Variants in MYO5B observed in about 807,000 individuals in gnomAD.
MYO5B encodes myosin VB.
MYO5B carries 143 observed loss-of-function variants against 229.3 expected under a neutral mutation model. That is an observed-to-expected ratio of 0.62 (90% CI 0.54 to 0.72). MYO5B has a LOEUF of 0.72. Ranked by LOEUF, MYO5B falls within the 30% of genes least tolerant of loss-of-function variation. The pLI, the probability that MYO5B is intolerant of heterozygous loss-of-function variation, is 0.00. For synonymous variants in MYO5B, 918 were observed against 885.2 expected (o/e 1.04, Z -0.66); for missense variants, 2,321 against 2,331.0 (o/e 1.00, Z 0.09).
At chr18:49,893,625 C>T (rs2024742347) in intron 22 of MYO5B, among the ~76,000 whole-genome samples, 1 of 152,202 alleles carries the variant, frequency 6.6e-6, no homozygotes, top group African/African-American at 2.4e-5. Context: ...AGGAGTGTGG[C>T]CTTTTATGGG....
chr18:49,947,024 A>G (rs2025381285), intron 14 of MYO5B, among the ~76,000 whole-genome samples: 1 of 151,826 alleles, frequency 6.6e-6, no homozygotes, highest in African/African-American at 2.4e-5. Flanking sequence ...AGATTGGGCT[A>G]CGTAAGGATA....
intron 1 of MYO5B, among the ~76,000 whole-genome samples, chr18:50,117,830 T>C (rs1408384688): frequency 3.3e-5 from 5 of 152,048 alleles, no homozygotes; most frequent in Non-Finnish European, 7.4e-5. Flanking sequence ...GTCTCTGGCT[T>C]ATATAATACC....
intron 2 of MYO5B, among the ~76,000 whole-genome samples, chr18:50,051,228 T>C (rs1259896090): frequency 6.6e-6 from 1 of 152,206 alleles, no homozygotes; most frequent in African/African-American, 2.4e-5. Context: ...TAGGGTTACA[T>C]TCTCTTGCCC....
At chr18:49,969,491 A>G (rs1371008026) in intron 10 of MYO5B, among the ~76,000 whole-genome samples, 1 of 152,236 alleles carries the variant, frequency 6.6e-6, no homozygotes, top group African/African-American at 2.4e-5. Flanking sequence ...CAACTTGTAA[A>G]TGAATATGTA....
At chr18:50,037,871 G>T (rs968625026) in intron 3 of MYO5B, among the ~76,000 whole-genome samples, 2 of 152,054 alleles carry the variant, frequency 1.3e-5, no homozygotes, top group Non-Finnish European at 2.9e-5. Context: ...CAGCCTGGGC[G>T]ACAGAGTGAG....
intron 17 of MYO5B, among the ~76,000 whole-genome samples, chr18:49,927,968 G>C (rs1412421593): frequency 6.6e-6 from 1 of 152,164 alleles, no homozygotes; most frequent in Non-Finnish European, 1.5e-5. Flanking sequence ...CACGGAGTGG[G>C]AGAAAATCTT....
At chr18:49,860,156 T>C (rs1289763635) in intron 29 of MYO5B, among the ~76,000 whole-genome samples, 1 of 152,142 alleles carries the variant, frequency 6.6e-6, no homozygotes, top group African/African-American at 2.4e-5. Flanking sequence ...ACACTCTTGA[T>C]AAGGCTTGGG....
At chr18:49,968,529 G>C (rs1304249661) in intron 10 of MYO5B, among the ~76,000 whole-genome samples, 5 of 146,696 alleles carry the variant, frequency 3.4e-5, no homozygotes, top group Non-Finnish European at 7.6e-5. Flanking sequence ...CGGGTGCTGG[G>C]GTGATTACCC....
At chr18:49,891,693 G>A (rs989408104) in intron 22 of MYO5B, among the ~76,000 whole-genome samples, 1 of 150,262 alleles carries the variant, frequency 6.7e-6, no homozygotes, top group African/African-American at 2.4e-5. Context: ...AAGTAGCTCT[G>A]CTCCACACCT....
At chr18:49,830,324 A>T (rs943561964) in intron 39 of MYO5B, among the ~76,000 whole-genome samples, 1 of 152,194 alleles carries the variant, frequency 6.6e-6, no homozygotes, top group African/African-American at 2.4e-5. Context: ...TTAGGAATAA[A>T]TCTAGCCAAG....
intron 1 of MYO5B, among the ~76,000 whole-genome samples, chr18:50,112,125 A>G (rs185026390): frequency 6.6e-6 from 1 of 152,350 alleles, no homozygotes; most frequent in Admixed American, 6.5e-5. Flanking sequence ...GTAGTCAAAG[A>G]AAGCCTCTCT....
intron 1 of MYO5B, among the ~76,000 whole-genome samples, chr18:50,110,685 G>A (rs957829961): frequency 1.3e-5 from 2 of 152,154 alleles, no homozygotes; most frequent in African/African-American, 2.4e-5. Context: ...AACTGAGGAC[G>A]GAAGTTAAGG....
chr18:49,828,261 G>A (rs1316934283), intron 39 of MYO5B, among the ~76,000 whole-genome samples: 1 of 152,106 alleles, frequency 6.6e-6, no homozygotes, highest in Non-Finnish European at 1.5e-5. Context: ...AATCCTGAAA[G>A]GAAAAAATCT....
intron 8 of MYO5B, among the ~76,000 whole-genome samples, chr18:49,982,198 G>A (rs2025823279): frequency 6.6e-6 from 1 of 152,166 alleles, no homozygotes; most frequent in African/African-American, 2.4e-5. Context: ...AGCCTCTTGA[G>A]TAGCTGGGAC....
chr18:50,137,371 A>C (rs1307470919), intron 1 of MYO5B, among the ~76,000 whole-genome samples: 1 of 152,230 alleles, frequency 6.6e-6, no homozygotes, highest in Non-Finnish European at 1.5e-5. Context: ...CCACCTTCAA[A>C]GCAGCCCTCA....
At chr18:49,850,117 G>T (rs2024181517) in intron 31 of MYO5B, 2 of 274,762 alleles carry the variant, frequency 7.3e-6, no homozygotes, top group African/African-American at 2.2e-5. Flanking sequence ...CGGCAAAACA[G>T]GACACTGGTG....
chr18:50,179,964 G>T (rs895302560), intron 1 of MYO5B, among the ~76,000 whole-genome samples: 2 of 152,186 alleles, frequency 1.3e-5, no homozygotes, highest in African/African-American at 4.8e-5. Flanking sequence ...AACACAAAGT[G>T]CAGGAAGGTC....
At chr18:50,070,899 G>A (rs1023979738) in intron 1 of MYO5B, among the ~76,000 whole-genome samples, 4 of 152,022 alleles carry the variant, frequency 2.6e-5, no homozygotes, top group Non-Finnish European at 1.5e-5. Flanking sequence ...TGGGAGTGCA[G>A]TGGTGAGATC....
chr18:50,165,156 C>CCA (rs2032826122), intron 1 of MYO5B, among the ~76,000 whole-genome samples: 1 of 152,314 alleles, frequency 6.6e-6, no homozygotes, highest in East Asian at 1.9e-4. Context: ...GATGCATCTA[C>CCA]CAGAATGCCA....
Sources: allele counts gnomAD v4.1 joint callset (sites outside exome capture counted in the v4.1 genomes callset), GRCh38; gene constraint gnomAD v4.1.1; transcripts MANE v1.5; gene names NCBI Gene and HGNC (gene_info 2026-07-23, HGNC 2026-07-21).